NEURL1: variants seen among roughly 807,000 people sequenced by gnomAD.
The protein encoded by NEURL1 is E3 ubiquitin-protein ligase NEURL1.
Under a neutral mutation model 41.2 loss-of-function variants are expected in NEURL1, and 26 were observed. The observed-to-expected ratio is 0.63, with a 90% CI of 0.46 to 0.87. The LOEUF is 0.87. NEURL1 is among the 40% of genes least tolerant of loss of function. NEURL1 has a pLI of 0.00. For missense variants in NEURL1, 761 were observed against 871.1 expected (o/e 0.87, Z 1.59); for synonymous variants, 400 against 402.3 (o/e 0.99, Z 0.07).
At chr10:103,500,371 A>T (rs1291344291) in intron 1 of NEURL1, among the ~76,000 whole-genome samples, 1 of 152,210 alleles carries the variant, frequency 6.6e-6, no homozygotes, top group Non-Finnish European at 1.5e-5. Flanking sequence ...AAGAGAGGTT[A>T]AGTAACTTAT....
chr10:103,522,382 C>A (rs1042136850), intron 1 of NEURL1, among the ~76,000 whole-genome samples: 1 of 150,960 alleles, frequency 6.6e-6, no homozygotes, highest in Admixed American at 6.6e-5. Context: ...CCGAGGTGAG[C>A]GGGTCACCTG....
intron 3 of NEURL1, among the ~76,000 whole-genome samples, chr10:103,574,195 A>G (rs993570230): frequency 2.0e-5 from 3 of 152,240 alleles, no homozygotes; most frequent in Non-Finnish European, 2.9e-5. Flanking sequence ...CTGCCCACAG[A>G]TAACCCAGGC....
chr10:103,579,037 C>T (rs531495676), intron 3 of NEURL1, among the ~76,000 whole-genome samples: 120 of 152,368 alleles, frequency 7.9e-4, no homozygotes, highest in African/African-American at 2.8e-3. Flanking sequence ...CTCAGGCTGA[C>T]GGCAAGCTCT....
At chr10:103,526,601 T>G (rs1025733537) in intron 1 of NEURL1, among the ~76,000 whole-genome samples, 8 of 152,174 alleles carry the variant, frequency 5.3e-5, no homozygotes, top group Non-Finnish European at 1.0e-4. Flanking sequence ...AACCTCTGCC[T>G]CCTGGTTTCA....
rs182392513 is a variant in NEURL1 at position 103,550,029 on chromosome 10, G to A, written c.86-20843G>A. ...TCTGGAGGCTCTTCCCCATTAGAGA[G>A]CTTGGTGACTGTGACTGTGATGGTT... On this transcript the variant is annotated intron_variant, in intron 1 of 5. Coordinates refer to ENST00000369780, the MANE Select transcript of NEURL1 (RefSeq NM_004210.5). 5.6e-3 allele frequency among the ~76,000 whole-genome samples: 858 copies of A among 152,342 alleles called. 24 individuals carry two copies. The highest frequency in any genetic ancestry group is 3.2e-3 in the Non-Finnish European group (221 of 68,034).
chr10:103,537,554 C>T (rs545917131), intron 1 of NEURL1, among the ~76,000 whole-genome samples: 95 of 152,062 alleles, frequency 6.2e-4, no homozygotes, highest in Non-Finnish European at 1.1e-3. Flanking sequence ...CCACCATGCC[C>T]GGCTAATTTT....
intron 1 of NEURL1, among the ~76,000 whole-genome samples, chr10:103,551,485 G>A (rs2035031357): frequency 1.3e-5 from 2 of 151,878 alleles, no homozygotes; most frequent in Admixed American, 6.6e-5. Flanking sequence ...TATATTTTTG[G>A]TAGAGATGGG....
chr10:103,526,920 G>A (rs374752714), intron 1 of NEURL1, among the ~76,000 whole-genome samples: 16 of 141,234 alleles, frequency 1.1e-4, no homozygotes, highest in African/African-American at 4.1e-4. Context: ...GTATTTCTGT[G>A]GTATCATCTT....
chr10:103,586,398 C>T (rs1279043154), intron 4 of NEURL1, among the ~76,000 whole-genome samples: 1 of 152,086 alleles, frequency 6.6e-6, no homozygotes, highest in Non-Finnish European at 1.5e-5. Flanking sequence ...TTCTTGGACC[C>T]CCCCTCCAGA....
chr10:103,569,786 T>G (rs2035498805), intron 1 of NEURL1, among the ~76,000 whole-genome samples: 1 of 152,168 alleles, frequency 6.6e-6, no homozygotes, highest in African/African-American at 2.4e-5. Context: ...CCTCTCCTAG[T>G]GAGCCTGGCA....
At chr10:103,588,988 G>A (rs1347752909) in intron 4 of NEURL1, 1 of 438,014 alleles carries the variant, frequency 2.3e-6, no homozygotes, top group South Asian at 1.6e-5. Flanking sequence ...ACGGAAGGAG[G>A]AAGGAGGGGA....
At position 103,566,445 on chromosome 10, in the gene NEURL1, G is replaced by A. The variant is rs1316145018; in HGVS notation, c.86-4427G>A. ...TTTTGCCTTTTCCAAAATATCATACGGATGGAATCGTACAGCATACAGCCC... is the reference window on the plus strand; with the variant it reads ...TTTTGCCTTTTCCAAAATATCATACAGATGGAATCGTACAGCATACAGCCC... On this transcript the variant is annotated intron_variant, in intron 1 of 5. Coordinates refer to ENST00000369780, the MANE Select transcript of NEURL1 (RefSeq NM_004210.5). This position sits in a 1 kb window ranked among gnomAD's most constrained non-coding sequence, Gnocchi z 4.2. Among the ~76,000 whole-genome samples, 3 of 152,138 alleles carry A rather than the reference G, an allele frequency of 2.0e-5. No individual in the cohort carries two copies. The highest frequency in any genetic ancestry group is 2.1e-4 in the South Asian group (1 of 4,808).
intron 1 of NEURL1, among the ~76,000 whole-genome samples, chr10:103,557,742 T>G (rs887145074): frequency 2.0e-5 from 3 of 152,262 alleles, no homozygotes; most frequent in African/African-American, 7.2e-5. Context: ...CCCCAGCGGC[T>G]CTGGTTTCAC....
Position 103,590,774 on chromosome 10 carries a change from G to A in NEURL1, c.*402G>A. ...AACATGTACCTTCCTCTGGGCAGCT[G>A]CAGCCCTGAGCCAGGACATGTGGCC... On this transcript the variant is annotated 3_prime_UTR_variant, in exon 6 of 6. Transcript: ENST00000369780. 4.0e-6 allele frequency: 1 copy of A among 250,646 alleles called. No homozygotes were observed. The highest frequency in any genetic ancestry group is 7.8e-6 in the Non-Finnish European group (1 of 127,830). 15.5% of individuals were successfully genotyped at this position (250,646 alleles called of 1,614,324 possible). A position where few individuals can be genotyped will look rare whatever the true frequency, so the allele number is the denominator to read the frequency against.
chr10:103,505,584 C>T (rs2033928203), intron 1 of NEURL1, among the ~76,000 whole-genome samples: 2 of 152,128 alleles, frequency 1.3e-5, no homozygotes. Flanking sequence ...AGGCTGGTCT[C>T]AAACTCCTGG....
At chr10:103,515,174 G>A (rs2034171997) in intron 1 of NEURL1, among the ~76,000 whole-genome samples, 2 of 143,616 alleles carry the variant, frequency 1.4e-5, no homozygotes, top group Non-Finnish European at 3.0e-5. Flanking sequence ...GTTGCAGTGA[G>A]CTGAGATCAC....
intron 1 of NEURL1, among the ~76,000 whole-genome samples, chr10:103,528,534 C>CA (rs199861549): frequency 0.057 from 3,813 of 67,378 alleles, 154 homozygotes; most frequent in African/African-American, 0.15. Flanking sequence ...GACTCCGTCT[C>CA]AAAAAAAAAA....
chr10:103,590,123 C>G lies in NEURL1; in HGVS notation c.1487-11C>G, dbSNP rs762551003. 6.2e-7 allele frequency: 1 copy of G among 1,612,774 alleles called. No homozygotes were observed. The highest frequency in any genetic ancestry group is 1.3e-5 in the African/African-American group (1 of 75,026). ...CATGTCTCCTCCTGACTGGTGCCCC[C>G]TTGTCCTCAGGGACAGCCCCCAATT... On this transcript the variant is annotated splice_polypyrimidine_tract_variant and intron_variant, in intron 5 of 5. Coordinates refer to ENST00000369780, the MANE Select transcript of NEURL1 (RefSeq NM_004210.5).
intron 1 of NEURL1, among the ~76,000 whole-genome samples, chr10:103,533,966 T>C (rs11492754): frequency 0.23 from 34,474 of 151,948 alleles, 4,187 homozygotes; most frequent in Middle Eastern, 0.36. Flanking sequence ...CCACCGCGCC[T>C]AGCTCAAATG....
Sources: allele counts gnomAD v4.1 joint callset (sites outside exome capture counted in the v4.1 genomes callset), GRCh38; gene constraint gnomAD v4.1.1; non-coding constraint Gnocchi (gnomAD v3.1); transcripts MANE v1.5; gene names NCBI Gene and HGNC (gene_info 2026-07-23, HGNC 2026-07-21).